PPA2: variants seen among roughly 807,000 people sequenced by gnomAD.
The protein encoded by PPA2 is inorganic pyrophosphatase 2, mitochondrial.
In PPA2, 48 loss-of-function variants were observed where a neutral mutation model predicts 49.5. The ratio of observed to expected loss-of-function variants is 0.97; its 90% CI spans 0.77 to 1.23. The LOEUF (loss-of-function observed/expected upper bound fraction) is 1.23, where lower values mean the gene tolerates loss of function less well. Ranked by LOEUF, PPA2 falls within the 50% of genes most tolerant of loss-of-function variation. PPA2 has a pLI of 0.00. For missense variants in PPA2, 429 were observed against 410.1 expected (o/e 1.05, Z -0.40); for synonymous variants, 131 against 139.9 (o/e 0.94, Z 0.45).
intron 9 of PPA2, among the ~76,000 whole-genome samples, chr4:105,392,392 G>T (rs1027998970): frequency 6.6e-6 from 1 of 152,116 alleles, no homozygotes; most frequent in Non-Finnish European, 1.5e-5. Flanking sequence ...CAAAAACAAG[G>T]CTGGGAGTGG....
intron 7 of PPA2, chr4:105,407,098 A>AG (rs1171270948): frequency 1.3e-5 from 2 of 150,574 alleles, no homozygotes; most frequent in Admixed American, 6.6e-5. Flanking sequence ...TTAAAAAAAA[A>AG]AAAAAGAAAA....
intron 7 of PPA2, among the ~76,000 whole-genome samples, chr4:105,400,485 T>C (rs962003049): frequency 3.3e-5 from 5 of 151,956 alleles, no homozygotes; most frequent in African/African-American, 1.2e-4. Context: ...CAAAAAAAAT[T>C]AGCTGGACAT....
chr4:105,439,823 C>T (rs1048466435), intron 5 of PPA2, among the ~76,000 whole-genome samples: 8 of 144,158 alleles, frequency 5.5e-5, no homozygotes, highest in Non-Finnish European at 1.2e-4. Context: ...TCTCCTAATG[C>T]TATCCCTCCC....
At chr4:105,453,483 T>C (rs1722751021) in intron 3 of PPA2, 115 bp downstream of exon 3, 3 of 710,864 alleles carry the variant, frequency 4.2e-6, no homozygotes, top group Non-Finnish European at 6.5e-6. Flanking sequence ...GGAATGCACA[T>C]GAAAGTCTTG....
chr4:105,392,018 A>G (rs937982887), intron 9 of PPA2, among the ~76,000 whole-genome samples: 1 of 125,212 alleles, frequency 8.0e-6, no homozygotes, highest in Admixed American at 8.0e-5. Flanking sequence ...GATGGATCAA[A>G]ATAAATAATG....
At chr4:105,448,110 CA>C in intron 4 of PPA2, 7 of 392,900 alleles carry the variant, frequency 1.8e-5, no homozygotes, top group Admixed American at 6.0e-5. Flanking sequence ...ATATAGGAAA[CA>C]AAAAAATAAG....
At chr4:105,462,461 C>T (rs1439461521) in intron 1 of PPA2, among the ~76,000 whole-genome samples, 1 of 152,220 alleles carries the variant, frequency 6.6e-6, no homozygotes, top group Non-Finnish European at 1.5e-5. Context: ...TAGTTCCACT[C>T]CTGAGAGCAA....
At chr4:105,436,910 G>A (rs1724088149) in intron 6 of PPA2, among the ~76,000 whole-genome samples, 1 of 152,050 alleles carries the variant, frequency 6.6e-6, no homozygotes, top group Non-Finnish European at 1.5e-5. Context: ...TATCGCCTAG[G>A]CAAAGAATTT....
chr4:105,411,380 AC>A (rs1181752757), intron 7 of PPA2, among the ~76,000 whole-genome samples: 1 of 152,206 alleles, frequency 6.6e-6, no homozygotes, highest in African/African-American at 2.4e-5. Flanking sequence ...ATATATATGC[AC>A]CCAGTACAGG....
chr4:105,453,868 A>ATAT, intron 2 of PPA2: 2 of 382,324 alleles, frequency 5.2e-6, no homozygotes, highest in South Asian at 2.1e-4. Flanking sequence ...CAGAAAAGCC[A>ATAT]AACCTCTTTC....
chr4:105,399,144 A>C lies in PPA2; in HGVS notation c.676T>G (p.Phe226Val). ...GTAGCTTCCAGGTAACCCGGTTTGA[A>C]CTTCTTAACATCATCAATATCTGTA... is the stretch of plus-strand genomic sequence containing the variant. ...KFHDIDDVKK[F>V]KPGYLEATLN... The change falls in exon 8 of 12, where the codon TTC (phenylalanine) becomes GTC (valine). Residue 226 changes from phenylalanine (F) to valine (V), a missense_variant. By Grantham distance (50) the Phe-to-Val change is conservative. Coordinates refer to ENST00000341695, the MANE Select transcript of PPA2 (RefSeq NM_176869.3). The C allele has an allele frequency of 6.2e-7, 1 of 1,603,170 alleles. No individual in the cohort carries two copies.
At chr4:105,440,521 A>T (rs1162624963) in intron 5 of PPA2, among the ~76,000 whole-genome samples, 1 of 152,068 alleles carries the variant, frequency 6.6e-6, no homozygotes, top group Non-Finnish European at 1.5e-5. Context: ...TCGGCCTCCG[A>T]CAGTGCTGGG....
intron 3 of PPA2, among the ~76,000 whole-genome samples, chr4:105,451,901 T>C (rs2110310152): frequency 6.6e-6 from 1 of 152,356 alleles, no homozygotes; most frequent in African/African-American, 2.4e-5. Context: ...AATGTTAGCC[T>C]GGTTTTCCTA....
intron 10 of PPA2, among the ~76,000 whole-genome samples, chr4:105,382,663 T>C (rs1733533713): frequency 6.6e-6 from 1 of 152,040 alleles, no homozygotes; most frequent in Non-Finnish European, 1.5e-5. Flanking sequence ...ATTTTTTGGC[T>C]ATAAAATCAG....
chr4:105,456,767 A>T, intron 1 of PPA2, 22 bp from the exon 2 acceptor site: 2 of 1,570,938 alleles, frequency 1.3e-6, no homozygotes, highest in Non-Finnish European at 1.7e-6. Context: ...CAAACAAACA[A>T]AACAAAACAG....
intron 6 of PPA2, among the ~76,000 whole-genome samples, chr4:105,435,941 T>C (rs28835404): frequency 1.3e-5 from 2 of 152,016 alleles, no homozygotes; most frequent in African/African-American, 4.8e-5. Context: ...AACATAGTAC[T>C]GGAAGTCCTA....
intron 6 of PPA2, among the ~76,000 whole-genome samples, chr4:105,432,252 T>C (rs1488466178): frequency 2.0e-5 from 3 of 152,212 alleles, no homozygotes; most frequent in East Asian, 1.9e-4. Flanking sequence ...TTCCAATACC[T>C]ACCTTCAAGT....
chr4:105,470,559 T>A (rs1723480389), intron 1 of PPA2, among the ~76,000 whole-genome samples: 1 of 152,200 alleles, frequency 6.6e-6, no homozygotes, highest in Non-Finnish European at 1.5e-5. Flanking sequence ...CTGAAACCTA[T>A]AAATTAACAG....
chr4:105,469,746 T>C (rs1018897224), intron 1 of PPA2, among the ~76,000 whole-genome samples: 9 of 152,240 alleles, frequency 5.9e-5, no homozygotes, highest in Non-Finnish European at 1.2e-4. Context: ...ATACTTTTTC[T>C]ATATTCACAC....
Sources: gnomAD v4.1 joint callset for allele counts (sites outside exome capture counted in the v4.1 genomes callset) on GRCh38, gnomAD v4.1.1 for gene constraint, MANE v1.5 for transcripts, NCBI Gene and HGNC (gene_info 2026-07-23, HGNC 2026-07-21) for gene names.